Variants in UHRF2 observed in about 807,000 individuals in gnomAD.
The protein encoded by UHRF2 is ubiquitin like with PHD and ring finger domains 2.
UHRF2 carries 23 observed loss-of-function variants against 96.8 expected under a neutral mutation model. That is an observed-to-expected ratio of 0.24 (90% CI 0.17 to 0.34). The LOEUF (loss-of-function observed/expected upper bound fraction) is 0.34, where lower values mean the gene tolerates loss of function less well. Among genes scored for constraint, UHRF2 ranks in the 10% least tolerant of loss-of-function variants. The pLI is 1.00. For missense variants in UHRF2, 685 were observed against 981.5 expected, an observed-to-expected ratio of 0.70 and a Z score of 4.04; for synonymous variants, 385 against 332.6, an observed-to-expected ratio of 1.16 and a Z score of -1.72.
In UHRF2 at chr9:6,498,009, G is replaced by T; in HGVS notation, c.1768-9G>T. The T allele has an allele frequency of 1.2e-6, 2 of 1,611,146 alleles. No individual in the cohort carries two copies. Among genetic ancestry groups the T allele is most frequent in the Non-Finnish European group, 8.5e-7 (1 of 1,179,472 alleles). On this transcript the variant is annotated splice_polypyrimidine_tract_variant and intron_variant, in intron 11 of 15. Coordinates refer to ENST00000276893, the MANE Select transcript of UHRF2 (RefSeq NM_152896.3). ...AATCTCAAACTGGCACTGAAATATT[G>T]TGATTTAGGTGGTGAAATACTGGCC...
intron 12 of UHRF2, 115 bp downstream of exon 12, chr9:6,498,273 G>T (rs754727035): frequency 2.8e-5 from 32 of 1,155,278 alleles, no homozygotes; most frequent in Middle Eastern, 4.0e-4. Flanking sequence ...ACTATAAGGG[G>T]TGAGGAATAA....
rs145773258 is a variant in UHRF2 at position 6,474,176 on chromosome 9, A to G, written c.864-1215A>G. ...ATGTCTTCTGTCATTGGTGGTCACA[A>G]CGGATGTGCATGTTGATAATTGGTT... On this transcript the variant is annotated intron_variant, in intron 4 of 15. Transcript: ENST00000276893. Among the ~76,000 whole-genome samples, 116 of 152,354 alleles carry G rather than the reference A, an allele frequency of 7.6e-4. No homozygotes were observed. The East Asian group carries it at 8.1e-3, about 11-fold the overall frequency.
At position 6,507,031 on chromosome 9, in the gene UHRF2, A is replaced by G. The variant is rs1587895958; in HGVS notation, c.*852A>G. On this transcript the variant is annotated 3_prime_UTR_variant, in exon 16 of 16. Transcript: ENST00000276893. ...ACTATATTCCCTAAAGTATACCTTA[A>G]TAAATATTTTATGATCAGAAAAACA... The G allele has an allele frequency of 1.3e-5, 2 of 152,340 alleles. No homozygotes were observed. The highest frequency in any genetic ancestry group is 1.9e-4 in the East Asian group (1 of 5,208). The allele number at this position is 152,340 out of a possible 1,614,324, so 9.4% of individuals were successfully genotyped here. A position where few individuals can be genotyped will look rare whatever the true frequency, so the allele number is the denominator to read the frequency against.
At chr9:6,494,002 A>G in intron 10 of UHRF2, 70 bp downstream of exon 10, 1 of 1,352,606 alleles carries the variant, frequency 7.4e-7, no homozygotes. Flanking sequence ...GTAAATTGTA[A>G]CTTACGTTGC....
At chr9:6,462,538 C>T (rs1209975919) in intron 4 of UHRF2, among the ~76,000 whole-genome samples, 1 of 152,132 alleles carries the variant, frequency 6.6e-6, no homozygotes, top group Non-Finnish European at 1.5e-5. Flanking sequence ...AGCCTTTTAA[C>T]CTACTTGAGT....
chr9:6,413,321 T>G lies in UHRF2; in HGVS notation c.-170T>G, dbSNP rs1189828142. ...AAGTCGGCTAGTCGGGCGCGCGCGC[T>G]GAGAGTCGTCGCCGCCTGTCGGGCC... On this transcript the variant is annotated 5_prime_UTR_variant, in exon 1 of 16. Transcript: ENST00000276893. 5 of 505,464 alleles carry G rather than the reference T, an allele frequency of 9.9e-6. No homozygotes were observed. Among genetic ancestry groups the G allele is most frequent in the African/African-American group, 8.3e-5 (4 of 47,920 alleles). 31.3% of individuals were successfully genotyped at this position (505,464 alleles called of 1,614,324 possible).
chr9:6,498,970 T>C (rs1359874471), intron 12 of UHRF2: 1 of 152,270 alleles, frequency 6.6e-6, no homozygotes, highest in East Asian at 1.9e-4. Flanking sequence ...GTTTTTGTTG[T>C]CTTTTTAAAC....
At chr9:6,469,985 A>T (rs1823143038) in intron 4 of UHRF2, among the ~76,000 whole-genome samples, 1 of 152,152 alleles carries the variant, frequency 6.6e-6, no homozygotes, top group Non-Finnish European at 1.5e-5. Flanking sequence ...AGAATGCTAA[A>T]AACTAAAGAT....
chr9:6,436,904 G>C (rs986188607), intron 3 of UHRF2, among the ~76,000 whole-genome samples: 1 of 152,118 alleles, frequency 6.6e-6, no homozygotes, highest in African/African-American at 2.4e-5. Context: ...TTAAAGATAC[G>C]ATAGCTGAAC....
At chr9:6,452,369 C>G (rs1181366409) in intron 3 of UHRF2, among the ~76,000 whole-genome samples, 1 of 152,114 alleles carries the variant, frequency 6.6e-6, no homozygotes, top group Non-Finnish European at 1.5e-5. Context: ...TAACAGATGC[C>G]CCTCTAAGAG....
intron 8 of UHRF2, among the ~76,000 whole-genome samples, chr9:6,486,547 C>A (rs1824300659): frequency 6.6e-6 from 1 of 152,168 alleles, no homozygotes; most frequent in Non-Finnish European, 1.5e-5. Flanking sequence ...AGTTATTGTG[C>A]AACTCAGAAT....
chr9:6,428,312 CCCAGGAACTTA>C (rs1430104502), intron 2 of UHRF2, among the ~76,000 whole-genome samples: 1 of 152,086 alleles, frequency 6.6e-6, no homozygotes, highest in Non-Finnish European at 1.5e-5. Flanking sequence ...TAACAATACT[CCCAGGAACTTA>C]CCAGGTGCCT....
chr9:6,489,740 T>TC (rs1161052590), intron 9 of UHRF2, among the ~76,000 whole-genome samples: 2 of 151,568 alleles, frequency 1.3e-5, no homozygotes, highest in African/African-American at 2.4e-5. Flanking sequence ...TTTTTTTTTT[T>TC]TTTTTTACCA....
intron 2 of UHRF2, among the ~76,000 whole-genome samples, chr9:6,433,055 G>A (rs1382651376): frequency 6.6e-6 from 1 of 152,126 alleles, no homozygotes; most frequent in African/African-American, 2.4e-5. Context: ...TGGCCAGGCT[G>A]GTCTTGACCT....
chr9:6,495,890 T>C (rs1227067354), intron 10 of UHRF2: 1 of 152,086 alleles, frequency 6.6e-6, no homozygotes, highest in South Asian at 2.1e-4. Flanking sequence ...TAAGATAAAA[T>C]AGGTGTAATA....
At chr9:6,455,588 G>T (rs1194301496) in intron 3 of UHRF2, among the ~76,000 whole-genome samples, 1 of 152,122 alleles carries the variant, frequency 6.6e-6, no homozygotes. Flanking sequence ...GAATAGTGCT[G>T]CAGTGAGCAT....
intron 4 of UHRF2, among the ~76,000 whole-genome samples, chr9:6,469,818 A>C (rs1051576474): frequency 1.3e-5 from 2 of 151,368 alleles, no homozygotes; most frequent in Non-Finnish European, 2.9e-5. Flanking sequence ...TTATATTTGG[A>C]ATTCCTAAAG....
chr9:6,425,443 C>A (rs1820200127), intron 2 of UHRF2, among the ~76,000 whole-genome samples: 1 of 152,092 alleles, frequency 6.6e-6, no homozygotes, highest in South Asian at 2.1e-4. Flanking sequence ...CTCCAAGGTT[C>A]CCTGTTTCCT....
Position 6,477,749 on chromosome 9 carries a change from G to T in UHRF2, c.1101G>T (p.Val367=), listed in dbSNP as rs1299309714. Residue 367 remains valine, a synonymous_variant, in exon 6 of 16, where the codon GTG becomes GTT. Transcript: ENST00000276893. ...AGCTTCTGTGTGATGAATGTAATGTGGCTTATCATATTTACTGTCTGAATC... is the reference window on the plus strand; with the variant it reads ...AGCTTCTGTGTGATGAATGTAATGTTGCTTATCATATTTACTGTCTGAATC... ...NMQLLCDECN[V]AYHIYCLNPP... 1 of 1,613,870 alleles carries T rather than the reference G, an allele frequency of 6.2e-7. No homozygotes were observed. Among genetic ancestry groups the T allele is most frequent in the Non-Finnish European group, 8.5e-7 (1 of 1,179,876 alleles).
Sources: gnomAD v4.1 joint callset for allele counts (sites outside exome capture counted in the v4.1 genomes callset) on GRCh38, gnomAD v4.1.1 for gene constraint, MANE v1.5 for transcripts, NCBI Gene and HGNC (gene_info 2026-07-23, HGNC 2026-07-21) for gene names.